Variants in SEMA3D observed in about 807,000 individuals in gnomAD.
SEMA3D encodes semaphorin-3D.
In SEMA3D, 84 loss-of-function variants were observed where a neutral mutation model predicts 100.1. That is an observed-to-expected ratio of 0.84 (90% CI 0.70 to 1.01). The LOEUF (loss-of-function observed/expected upper bound fraction) is 1.01, where lower values mean the gene tolerates loss of function less well. SEMA3D is among the 50% of genes least tolerant of loss of function. The pLI is 0.00. For synonymous variants in SEMA3D, 312 were observed against 320.7 expected, an observed-to-expected ratio of 0.97 and a Z score of 0.29; for missense variants, 875 against 934.1, an observed-to-expected ratio of 0.94 and a Z score of 0.82.
the SEMA3D span, among the ~76,000 whole-genome samples, chr7:85,239,622 T>C: frequency 6.6e-6 from 1 of 152,178 alleles, no homozygotes; most frequent in African/African-American, 2.4e-5. Context: ...ACTCTCAATA[T>C]ATGCTTCATA....
the SEMA3D span, among the ~76,000 whole-genome samples, chr7:85,225,085 TATATATATATATATATATATAC>T: frequency 6.2e-5 from 1 of 16,128 alleles, no homozygotes; most frequent in African/African-American, 3.7e-4. Context: ...TATATATATA[TATATATATATATATATATATAC>T]ATACATATAT....
In SEMA3D at chr7:85,012,791, T is replaced by C. The variant is rs545463042; in HGVS notation, c.1759A>G (p.Ile587Val). 2 of 1,609,848 alleles carry C rather than the reference T, an allele frequency of 1.2e-6. No individual in the cohort carries two copies. The highest frequency in any genetic ancestry group is 1.7e-5 in the Admixed American group (1 of 59,742). ...TCAGAGCTGTACTTACTGTCTTCGA[T>C]GTCCCAGCACTGGGTGATTGGGTCG... is the stretch of plus-strand genomic sequence containing the variant. ...YGDPITQCWD[I>V]EDSISHETAD... Residue 587 changes from isoleucine (I) to valine (V), a missense_variant, in exon 17 of 19, where the codon ATC becomes GTC. By Grantham distance (29) the Ile-to-Val change is conservative (BLOSUM62 3). Coordinates refer to ENST00000284136, the MANE Select transcript of SEMA3D (RefSeq NM_001384900.1).
At chr7:85,217,363 C>A in the SEMA3D span, among the ~76,000 whole-genome samples, 15 of 152,002 alleles carry the variant, frequency 9.9e-5, no homozygotes, top group African/African-American at 3.6e-4. Context: ...AGTAATACTC[C>A]TGGCCTCAAA....
the SEMA3D span, among the ~76,000 whole-genome samples, chr7:85,224,379 C>T: frequency 1.3e-5 from 2 of 152,152 alleles, no homozygotes; most frequent in Admixed American, 1.3e-4. Flanking sequence ...CACAATTCGT[C>T]GTCTTGGATA....
At chr7:85,235,925 T>A in the SEMA3D span, among the ~76,000 whole-genome samples, 15 of 152,328 alleles carry the variant, frequency 9.8e-5, no homozygotes, top group East Asian at 2.9e-3. Context: ...CTTCAATCTC[T>A]AAGCTTAAAA....
chr7:85,211,270 C>G, the SEMA3D span, among the ~76,000 whole-genome samples: 4 of 151,990 alleles, frequency 2.6e-5, no homozygotes, highest in African/African-American at 9.7e-5. Context: ...AATTCTGTTT[C>G]TGTTCTTCAA....
chr7:85,073,218 A>G (rs1402868561), intron 5 of SEMA3D, 137 bp from the exon 6 acceptor site: 1 of 796,312 alleles, frequency 1.3e-6, no homozygotes, highest in Non-Finnish European at 2.0e-6. Context: ...GAGAAATTCT[A>G]GACATCTGTT....
chr7:85,193,327 C>A, the SEMA3D span, among the ~76,000 whole-genome samples: 4 of 152,202 alleles, frequency 2.6e-5, no homozygotes, highest in South Asian at 8.3e-4. Flanking sequence ...AAGGATGATC[C>A]CTACATTTTT....
intron 9 of SEMA3D, among the ~76,000 whole-genome samples, chr7:85,052,310 T>C (rs2116057283): frequency 6.6e-6 from 1 of 152,044 alleles, no homozygotes; most frequent in South Asian, 2.1e-4. Context: ...CCTCATTGAC[T>C]ACAGGATAGA....
Position 85,007,057 on chromosome 7 carries a change from G to C in SEMA3D, c.1769-116C>G, listed in dbSNP as rs569486513. The C allele has an allele frequency of 4.6e-6, 3 of 652,174 alleles. No individual in the cohort carries two copies. The South Asian group carries it at 1.1e-4, about 24-fold the overall frequency. The allele number at this position is 652,174 out of a possible 1,614,324, so 40.4% of individuals were successfully genotyped here. On this transcript the variant is annotated intron_variant, in intron 17 of 18. Coordinates refer to ENST00000284136, the MANE Select transcript of SEMA3D (RefSeq NM_001384900.1). ...AAAGAATCATATACATTATTAAAGA[G>C]AAAGGAAATTCATGTTATAATATTG...
the SEMA3D span, among the ~76,000 whole-genome samples, chr7:85,207,489 G>A: frequency 3.6e-4 from 55 of 152,152 alleles, no homozygotes; most frequent in African/African-American, 1.3e-3. Flanking sequence ...AAGTGCAAAT[G>A]TTTCCCATGA....
At chr7:85,134,109 C>T (rs564704266) in intron 2 of SEMA3D, among the ~76,000 whole-genome samples, 36 of 152,010 alleles carry the variant, frequency 2.4e-4, no homozygotes, top group South Asian at 1.7e-3. Context: ...TATTTTCCTC[C>T]GAACTTCTAA....
chr7:85,158,632 C>T (rs1003924780), intron 1 of SEMA3D, among the ~76,000 whole-genome samples: 1 of 152,166 alleles, frequency 6.6e-6, no homozygotes. Context: ...TACCTTGTGA[C>T]ACATGTGATC....
chr7:85,231,174 T>C, the SEMA3D span, among the ~76,000 whole-genome samples: 1 of 152,202 alleles, frequency 6.6e-6, no homozygotes, highest in African/African-American at 2.4e-5. Context: ...GCCAGGATTC[T>C]ATCTTTGGCT....
chr7:85,005,412 T>C (rs765310630), intron 18 of SEMA3D, among the ~76,000 whole-genome samples: 4 of 152,056 alleles, frequency 2.6e-5, no homozygotes, highest in African/African-American at 4.8e-5. Flanking sequence ...TTAGGACTTA[T>C]AGAAGTCAGG....
intron 5 of SEMA3D, among the ~76,000 whole-genome samples, chr7:85,077,108 A>AT (rs2116212877): frequency 6.6e-6 from 1 of 151,190 alleles, no homozygotes; most frequent in East Asian, 1.9e-4. Context: ...TCCGTCTAAA[A>AT]AAAAAAAAAA....
At chr7:85,073,353 T>C (rs1791829827) in intron 5 of SEMA3D, among the ~76,000 whole-genome samples, 2 of 152,132 alleles carry the variant, frequency 1.3e-5, no homozygotes, top group African/African-American at 4.8e-5. Context: ...TCTATAGTGG[T>C]ACTCAGTGAG....
chr7:85,090,018 G>A (rs1219000712), intron 4 of SEMA3D, among the ~76,000 whole-genome samples: 4 of 152,062 alleles, frequency 2.6e-5, no homozygotes, highest in Admixed American at 2.6e-4. Context: ...TAGAACCTGT[G>A]GTCCAATTAC....
chr7:85,089,835 A>T (rs1440257421), intron 4 of SEMA3D, among the ~76,000 whole-genome samples: 1 of 152,110 alleles, frequency 6.6e-6, no homozygotes, highest in African/African-American at 2.4e-5. Context: ...AGGCTGCAGT[A>T]AGCCGAGATC....
Sources: allele counts gnomAD v4.1 joint callset (sites outside exome capture counted in the v4.1 genomes callset), GRCh38; gene constraint gnomAD v4.1.1; transcripts MANE v1.5; gene names NCBI Gene and HGNC (gene_info 2026-07-23, HGNC 2026-07-21).